The following SLIT1 variants were observed in gnomAD, a reference collection of about 807,000 sequenced individuals.
SLIT1 encodes slit guidance ligand 1.
In SLIT1, 66 loss-of-function variants were observed where a neutral mutation model predicts 186.1. The ratio of observed to expected loss-of-function variants is 0.35; its 90% confidence interval spans 0.29 to 0.44. The LOEUF is 0.44. Among genes scored for constraint, SLIT1 ranks in the 20% least tolerant of loss-of-function variants. The probability of loss-of-function intolerance (pLI) is 1.00; values close to 1 mark genes in which losing one functional copy is unlikely to be tolerated. For synonymous variants in SLIT1, 761 were observed against 833.8 expected, an observed-to-expected ratio of 0.91 and a Z score of 1.50; for missense variants, 1,638 against 2,037.4, an observed-to-expected ratio of 0.80 and a Z score of 3.77.
Position 97,077,614 on chromosome 10 carries a change from G to T in SLIT1, c.414-11528C>A, listed in dbSNP as rs574871727. Among the ~76,000 whole-genome samples, 4 of 152,134 alleles carry T rather than the reference G, an allele frequency of 2.6e-5. No homozygotes were observed. In the East Asian group the frequency reaches 5.8e-4, roughly 22 times the overall value. On this transcript the variant is annotated intron_variant, in intron 4 of 36. Transcript: ENST00000266058. ...AGTTTGTAAGAGGAGACTGGCACAC[G>T]GTGGGTGACAATCAGTTGTATTGTC... is the stretch of plus-strand genomic sequence containing the variant.
chr10:97,114,065 C>G (rs1465298981), intron 4 of SLIT1, among the ~76,000 whole-genome samples: 1 of 152,180 alleles, frequency 6.6e-6, no homozygotes, highest in Non-Finnish European at 1.5e-5. Flanking sequence ...ACTGTCCTAG[C>G]AAGGCAGGAA....
chr10:97,157,640 A>C, intron 4 of SLIT1, 178 bp downstream of exon 4: 1 of 652,052 alleles, frequency 1.5e-6, no homozygotes, highest in Admixed American at 2.4e-5. Context: ...AATACCCTGC[A>C]CAGCACCTTC....
intron 25 of SLIT1, among the ~76,000 whole-genome samples, chr10:97,026,321 A>T (rs866818328): frequency 6.6e-6 from 1 of 152,150 alleles, no homozygotes. Context: ...AAACTTAGCC[A>T]GGCATAGTGG....
intron 13 of SLIT1, among the ~76,000 whole-genome samples, chr10:97,052,088 C>T (rs1447888256): frequency 1.4e-5 from 2 of 140,046 alleles, no homozygotes; most frequent in African/African-American, 2.7e-5. Flanking sequence ...TTGTATGATT[C>T]GGTTTTTTTT....
chr10:97,015,004 G>A (rs1042807203), intron 28 of SLIT1, among the ~76,000 whole-genome samples: 1 of 152,202 alleles, frequency 6.6e-6, no homozygotes, highest in African/African-American at 2.4e-5. Flanking sequence ...GTCATGAGGG[G>A]CCCTGGGGAT....
At chr10:97,040,575 G>A (rs1042841463) in intron 20 of SLIT1, among the ~76,000 whole-genome samples, 2 of 152,148 alleles carry the variant, frequency 1.3e-5, no homozygotes, top group Non-Finnish European at 2.9e-5. Flanking sequence ...CTAGTGCAGT[G>A]CCTGGCACGC....
chr10:97,090,755 G>A (rs1353904974), intron 4 of SLIT1, among the ~76,000 whole-genome samples: 1 of 152,206 alleles, frequency 6.6e-6, no homozygotes, highest in Non-Finnish European at 1.5e-5. Context: ...ACCAGGCTCT[G>A]CACCTTGGCG....
intron 16 of SLIT1, 73 bp from the exon 17 acceptor site, chr10:97,047,138 T>G: frequency 9.9e-7 from 1 of 1,014,296 alleles, no homozygotes. Context: ...ACTGAGAATA[T>G]TTGGGACTCA....
chr10:97,023,217 ATTT>A (rs575450528), intron 25 of SLIT1, among the ~76,000 whole-genome samples: 1 of 133,414 alleles, frequency 7.5e-6, no homozygotes, highest in Admixed American at 7.5e-5. Flanking sequence ...CGCCCACCTA[ATTT>A]TTTTTTTTTT....
At chr10:97,018,446 T>C (rs1848473177) in intron 28 of SLIT1, 140 bp downstream of exon 28, 3 of 587,092 alleles carry the variant, frequency 5.1e-6, no homozygotes, top group South Asian at 4.4e-5. Context: ...TTGGAGTACA[T>C]GCCTGCCCCC....
At chr10:97,138,458 A>G (rs1230548023) in intron 4 of SLIT1, among the ~76,000 whole-genome samples, 1 of 152,242 alleles carries the variant, frequency 6.6e-6, no homozygotes, top group Non-Finnish European at 1.5e-5. Context: ...TCAAATGACC[A>G]GTTGTCCACG....
intron 13 of SLIT1, among the ~76,000 whole-genome samples, chr10:97,053,331 A>G (rs1281709132): frequency 6.6e-6 from 1 of 152,050 alleles, no homozygotes; most frequent in East Asian, 1.9e-4. Context: ...GTACCCTCTA[A>G]TTTCACATAC....
At chr10:97,035,669 C>T (rs747422513) in intron 22 of SLIT1, among the ~76,000 whole-genome samples, 11 of 152,226 alleles carry the variant, frequency 7.2e-5, no homozygotes, top group African/African-American at 1.2e-4. Context: ...ACAAAGCTGA[C>T]GAAACCCCAC....
intron 4 of SLIT1, among the ~76,000 whole-genome samples, chr10:97,119,069 G>A (rs1473988209): frequency 2.0e-5 from 3 of 152,214 alleles, no homozygotes; most frequent in Non-Finnish European, 4.4e-5. Flanking sequence ...GGCACTGCCT[G>A]GGGTCTCTTG....
chr10:97,051,621 T>A (rs7893716), intron 13 of SLIT1, among the ~76,000 whole-genome samples: 1 of 151,822 alleles, frequency 6.6e-6, no homozygotes, highest in Admixed American at 6.6e-5. Context: ...ATCAGCCTGA[T>A]CAAGATGGTG....
At chr10:97,127,947 AG>A (rs1192780681) in intron 4 of SLIT1, among the ~76,000 whole-genome samples, 1 of 152,116 alleles carries the variant, frequency 6.6e-6, no homozygotes, top group Non-Finnish European at 1.5e-5. Context: ...GAAAACCCAG[AG>A]GCAAAGCTTT....
chr10:97,023,281 G>A (rs1436066386), intron 25 of SLIT1, among the ~76,000 whole-genome samples: 1 of 149,956 alleles, frequency 6.7e-6, no homozygotes, highest in Non-Finnish European at 1.5e-5. Flanking sequence ...GGCCAGTCTG[G>A]TCTCAAACTC....
At chr10:97,027,452 A>G (rs1165866266) in intron 25 of SLIT1, among the ~76,000 whole-genome samples, 1 of 152,254 alleles carries the variant, frequency 6.6e-6, no homozygotes, top group African/African-American at 2.4e-5. Context: ...AACCCTGGGT[A>G]TAAAGGGCAG....
At chr10:97,063,344 G>T in intron 8 of SLIT1, 111 bp downstream of exon 8, 2 of 1,178,120 alleles carry the variant, frequency 1.7e-6, no homozygotes, top group East Asian at 2.4e-5. Context: ...TGATGGGCGG[G>T]GTCAGGAGGT....
Sources: gnomAD v4.1 joint callset for allele counts (sites outside exome capture counted in the v4.1 genomes callset) on GRCh38, gnomAD v4.1.1 for gene constraint, MANE v1.5 for transcripts, NCBI Gene and HGNC (gene_info 2026-07-23, HGNC 2026-07-21) for gene names.